PLXNA4: variants seen among roughly 807,000 people sequenced by gnomAD.
PLXNA4 encodes the protein plexin-A4.
A neutral mutation model predicts 191.8 loss-of-function variants in PLXNA4; 44 were observed. The ratio of observed to expected loss-of-function variants is 0.23; its 90% confidence interval spans 0.18 to 0.29. The LOEUF is 0.29. PLXNA4 is among the 10% of genes least tolerant of loss of function. PLXNA4 has a pLI of 1.00. For missense variants in PLXNA4, 1,800 were observed against 2,488.8 expected, an observed-to-expected ratio of 0.72 and a Z score of 5.89; for synonymous variants, 1,082 against 1,009.5, an observed-to-expected ratio of 1.07 and a Z score of -1.36.
Position 132,508,079 on chromosome 7 carries a change from G to A in PLXNA4, c.615C>T (p.Thr205=). The change falls in exon 2 of 32, where the codon ACC becomes ACT. Residue 205 remains threonine (T), a synonymous_variant. Transcript: ENST00000321063. This position sits in a 1 kb window ranked among gnomAD's most constrained non-coding sequence, Gnocchi z 4.4. ...ACATGCCATCCGCCTCAGAGTTCTTGGTCAGTTTCCGGCTGGAGATGGTGG... is the reference window on the plus strand; with the variant it reads ...ACATGCCATCCGCCTCAGAGTTCTTAGTCAGTTTCCGGCTGGAGATGGTGG... ...YFPTISSRKL[T]KNSEADGMFA... is the part of the protein sequence containing the mutation. 6.2e-7 allele frequency: 1 copy of A among 1,614,214 alleles called. No individual in the cohort carries two copies. Among genetic ancestry groups the A allele is most frequent in the Non-Finnish European group, 8.5e-7 (1 of 1,180,042 alleles).
intron 2 of PLXNA4, among the ~76,000 whole-genome samples, chr7:132,643,460 A>T (rs1228228087): frequency 1.3e-5 from 2 of 151,394 alleles, no homozygotes; most frequent in Non-Finnish European, 2.9e-5. Flanking sequence ...TCTGCCCCAA[A>T]CCCAAATGCT....
intron 2 of PLXNA4, among the ~76,000 whole-genome samples, chr7:132,617,649 A>T (rs1803183416): frequency 6.6e-6 from 1 of 152,194 alleles, no homozygotes; most frequent in African/African-American, 2.4e-5. Flanking sequence ...ATGAAATCTA[A>T]AACACTGACA....
chr7:132,249,724 C>T (rs1384974056), intron 4 of PLXNA4, among the ~76,000 whole-genome samples: 3 of 152,228 alleles, frequency 2.0e-5, no homozygotes, highest in Non-Finnish European at 2.9e-5. Flanking sequence ...AGCCTGCCCT[C>T]GGGCCTGCCA....
At chr7:132,196,850 C>T (rs550463959) in intron 13 of PLXNA4, among the ~76,000 whole-genome samples, 1 of 152,232 alleles carries the variant, frequency 6.6e-6, no homozygotes, top group African/African-American at 2.4e-5. Flanking sequence ...ATTTATTTTT[C>T]GTATGACTTT....
At chr7:132,341,768 T>C (rs1309546820) in intron 3 of PLXNA4, among the ~76,000 whole-genome samples, 4 of 152,224 alleles carry the variant, frequency 2.6e-5, no homozygotes, top group Non-Finnish European at 5.9e-5. Context: ...GTTCTTTCTC[T>C]AGATTATAAA....
intron 2 of PLXNA4, among the ~76,000 whole-genome samples, chr7:132,503,450 T>C (rs765747043): frequency 1.3e-5 from 2 of 152,144 alleles, no homozygotes; most frequent in Non-Finnish European, 1.5e-5. Context: ...AGGTGCTTGG[T>C]CAAACCCAGC....
chr7:132,525,392 T>G (rs10265496), intron 1 of PLXNA4, among the ~76,000 whole-genome samples: 149,889 of 152,280 alleles, frequency 0.98, 73,810 homozygotes, highest in Middle Eastern at 1. Context: ...TGGGACAGCA[T>G]GCACAGGCTG....
intron 4 of PLXNA4, chr7:132,270,985 C>T (rs1800047205): frequency 1.3e-5 from 2 of 152,076 alleles, no homozygotes; most frequent in South Asian, 4.2e-4. Context: ...ATGGAGCTTC[C>T]CTACCCCCTT....
intron 24 of PLXNA4, among the ~76,000 whole-genome samples, chr7:132,163,052 T>G (rs1462821694): frequency 1.3e-5 from 2 of 152,212 alleles, no homozygotes; most frequent in Non-Finnish European, 2.9e-5. Context: ...CCCGTCCTCC[T>G]CGTTCCCTTC....
intron 3 of PLXNA4, among the ~76,000 whole-genome samples, chr7:132,488,903 G>T (rs751990211): frequency 1.8e-4 from 28 of 152,326 alleles, no homozygotes; most frequent in Non-Finnish European, 3.7e-4. Flanking sequence ...AGCCAGAAGG[G>T]CTGGAGCAAG....
chr7:132,438,829 A>G (rs891541806), intron 3 of PLXNA4, among the ~76,000 whole-genome samples: 44 of 152,308 alleles, frequency 2.9e-4, no homozygotes, highest in African/African-American at 1.0e-3. Context: ...CTGATTGTCA[A>G]CATATCAAAA....
At chr7:132,624,432 T>G (rs1234574320) in intron 2 of PLXNA4, among the ~76,000 whole-genome samples, 1 of 152,152 alleles carries the variant, frequency 6.6e-6, no homozygotes, top group Non-Finnish European at 1.5e-5. Context: ...CTCATGAGCA[T>G]AGATCACAGA....
At chr7:132,332,673 AC>A (rs1802637357) in intron 3 of PLXNA4, among the ~76,000 whole-genome samples, 1 of 150,784 alleles carries the variant, frequency 6.6e-6, no homozygotes, top group Non-Finnish European at 1.5e-5. Context: ...ACATAGTGAG[AC>A]CCCATTTCTA....
intron 3 of PLXNA4, among the ~76,000 whole-genome samples, chr7:132,307,275 C>G (rs1174224179): frequency 1.3e-5 from 2 of 152,144 alleles, no homozygotes; most frequent in Non-Finnish European, 2.9e-5. Flanking sequence ...TTCCAATCCC[C>G]TCTCCCCATT....
At chr7:132,460,229 A>G (rs990751558) in intron 3 of PLXNA4, among the ~76,000 whole-genome samples, 30 of 151,994 alleles carry the variant, frequency 2.0e-4, no homozygotes, top group African/African-American at 7.0e-4. Context: ...ACAGTGGTAC[A>G]CACCTGGAGT....
At chr7:132,249,227 G>A (rs527424807) in intron 4 of PLXNA4, among the ~76,000 whole-genome samples, 1 of 152,332 alleles carries the variant, frequency 6.6e-6, no homozygotes, top group African/African-American at 2.4e-5. Flanking sequence ...ATCCAGTCCT[G>A]CTCTGCCTTA....
intron 3 of PLXNA4, among the ~76,000 whole-genome samples, chr7:132,370,409 T>C (rs1246181404): frequency 6.6e-6 from 1 of 152,222 alleles, no homozygotes; most frequent in African/African-American, 2.4e-5. Context: ...GGACGTGGCC[T>C]CTCAAATGCT....
chr7:132,187,522 G>A lies in PLXNA4; in HGVS notation c.2942C>T (p.Ala981Val), dbSNP rs1397806283. The A allele has an allele frequency of 6.2e-7, 1 of 1,614,090 alleles. No individual in the cohort carries two copies. The highest frequency in any genetic ancestry group is 8.5e-7 in the Non-Finnish European group (1 of 1,179,976). The change falls in exon 15 of 32, where the codon GCC (alanine) becomes GTC (valine). Residue 981 changes from alanine (A) to valine (V), a missense_variant. Transcript: ENST00000321063. ...QVTITGTNLN[A>V]GSNVVVMFGK... ...AAACATCACCACCACGTTGCTTCCG[G>A]CATTCAGGTTGGTGCCTGTGATGGT...
At chr7:132,400,882 T>C (rs1433582363) in intron 3 of PLXNA4, among the ~76,000 whole-genome samples, 1 of 152,236 alleles carries the variant, frequency 6.6e-6, no homozygotes, top group Non-Finnish European at 1.5e-5. Flanking sequence ...AAAATAATGC[T>C]GAACATTCTG....
Sources: allele counts gnomAD v4.1 joint callset (sites outside exome capture counted in the v4.1 genomes callset), GRCh38; gene constraint gnomAD v4.1.1; non-coding constraint Gnocchi (gnomAD v3.1); transcripts MANE v1.5; gene names NCBI Gene and HGNC (gene_info 2026-07-23, HGNC 2026-07-21).